NAALADL1: variants seen among roughly 807,000 people sequenced by gnomAD.
NAALADL1 encodes the protein aminopeptidase NAALADL1.
Under a neutral mutation model 82.8 loss-of-function variants are expected in NAALADL1, and 77 were observed. The ratio of observed to expected loss-of-function variants is 0.93; its 90% CI spans 0.77 to 1.12. The LOEUF is 1.12. Ranked by LOEUF, NAALADL1 falls within the 50% of genes most tolerant of loss-of-function variation. NAALADL1 has a pLI of 0.00. For synonymous variants in NAALADL1, 358 were observed against 399.2 expected (o/e 0.90, Z 1.23); for missense variants, 956 against 964.0 (o/e 0.99, Z 0.11).
chr11:65,054,376 T>C lies in NAALADL1; in HGVS notation c.888-22A>G. ...GTTACTGGGGAGGAGGAAGAGGCCC[T>C]TCAGGGTAAATGTGAGTGTGGGGCT... On this transcript the variant is annotated intron_variant, in intron 5 of 17. Coordinates refer to ENST00000358658, the MANE Select transcript of NAALADL1 (RefSeq NM_005468.3). The surrounding 1 kb of genome is among the most constrained non-coding windows in gnomAD (Gnocchi z 4.3). 1 of 1,613,388 alleles carries C rather than the reference T, an allele frequency of 6.2e-7. No individual in the cohort carries two copies.
intron 8 of NAALADL1, among the ~76,000 whole-genome samples, chr11:65,050,101 C>G (rs1395846397): frequency 6.6e-6 from 1 of 151,550 alleles, no homozygotes; most frequent in Non-Finnish European, 1.5e-5. Flanking sequence ...GTGTTGAACT[C>G]CTGACCTCAG....
At chr11:65,060,595 T>G (rs535463857), upstream of NAALADL1, among the ~76,000 whole-genome samples, 4 of 152,252 alleles carry the variant, frequency 2.6e-5, no homozygotes, top group South Asian at 8.3e-4. Flanking sequence ...CAAAAGTGTG[T>G]GACATCTGAG....
At chr11:65,045,979 C>T in intron 16 of NAALADL1, 48 bp downstream of exon 16, 1 of 1,611,578 alleles carries the variant, frequency 6.2e-7, no homozygotes, top group Non-Finnish European at 8.5e-7. Context: ...GCCTGGTATC[C>T]TGCCCTGGGT....
chr11:65,048,403 A>C lies in NAALADL1; in HGVS notation c.1199-18T>G. On this transcript the variant is annotated intron_variant, in intron 8 of 17. Coordinates refer to ENST00000358658, the MANE Select transcript of NAALADL1 (RefSeq NM_005468.3). The stretch of plus-strand genomic sequence containing the variant: ...CCAGGTGCCTGGGAATGGGGGATAG[A>C]GGGTTGGAGGACAGGGTCCTCCTGA... The C allele has an allele frequency of 6.2e-7, 1 of 1,613,866 alleles. No homozygotes were observed. The highest frequency in any genetic ancestry group is 8.5e-7 in the Non-Finnish European group (1 of 1,179,880).
Position 65,058,404 on chromosome 11 carries a change from G to A in NAALADL1, c.118C>T (p.Leu40=). 4 of 1,614,170 alleles carry A rather than the reference G, an allele frequency of 2.5e-6. No individual in the cohort carries two copies. Among genetic ancestry groups the A allele is most frequent in the Non-Finnish European group, 3.4e-6 (4 of 1,180,006 alleles). ...ACGGTCTCCAGGATCTCCAGGTCCA[G>A]GTCCTGGGGGGCCAGTGAGTTGGCT... ...KKANSLAPQD[L]DLEILETVMG... is the part of the protein sequence containing the mutation. The change falls in exon 1 of 18, where the codon CTG becomes TTG. Residue 40 remains leucine (L), a synonymous_variant. Transcript: ENST00000358658.
chr11:65,059,615 C>A (rs3759041), upstream of NAALADL1, among the ~76,000 whole-genome samples: 1 of 152,012 alleles, frequency 6.6e-6, no homozygotes, highest in Non-Finnish European at 1.5e-5. Context: ...GCCTGGACTC[C>A]GTCATCCACC....
rs778345644 is a variant in NAALADL1 at position 65,047,544 on chromosome 11, GCCAGCACCCAGAGAA to G, written c.1515_1529del (p.Leu507_Ser511del). ...AGTGAACGAAGGGTGCATAGTCGCTGCCAGCACCCAGAGAACCCAAGCTGCGGGAAGGAAGGGGGC... is the reference window on the plus strand; with the variant it reads ...AGTGAACGAAGGGTGCATAGTCGCTGCCCAAGCTGCGGGAAGGAAGGGGGC... On this transcript the variant is annotated inframe_deletion, in exon 13 of 18. Transcript: ENST00000358658. The G allele has an allele frequency of 1.9e-6, 3 of 1,571,972 alleles. No individual in the cohort carries two copies. Among genetic ancestry groups the G allele is most frequent in the Non-Finnish European group, 2.6e-6 (3 of 1,158,646 alleles).
Position 65,049,035 on chromosome 11 carries a change from C to T in NAALADL1, c.1199-650G>A, listed in dbSNP as rs1239586402. ...CTGAGATCGTGCCACTGCATCCAGC[C>T]TGAGGGACTGAGTCTCACTCTGTGG... On this transcript the variant is annotated intron_variant, in intron 8 of 17. Transcript: ENST00000358658. 2.0e-5 allele frequency among the ~76,000 whole-genome samples: 3 copies of T among 152,094 alleles called. No individual in the cohort carries two copies. In the East Asian group the frequency reaches 5.8e-4, roughly 29 times the overall value.
chr11:65,045,757 T>G (rs1196445596), intron 17 of NAALADL1, 65 bp downstream of exon 17: 1 of 1,456,810 alleles, frequency 6.9e-7, no homozygotes, highest in Admixed American at 1.7e-5. Context: ...CCACCTCGTC[T>G]CAGGTGGGGA....
chr11:65,044,846 T>C lies in NAALADL1; in HGVS notation c.*425A>G, dbSNP rs1285909630. 1.7e-6 allele frequency: 2 copies of C among 1,144,710 alleles called. No homozygotes were observed. The highest frequency in any genetic ancestry group is 1.6e-5 in the African/African-American group (1 of 64,008). The allele number at this position is 1,144,710 out of a possible 1,614,324, so 70.9% of individuals were successfully genotyped here. On this transcript the variant is annotated 3_prime_UTR_variant, in exon 18 of 18. Transcript: ENST00000358658. This position sits in a 1 kb window ranked among gnomAD's most constrained non-coding sequence, Gnocchi z 4.0. ...TGTTGGTACCAGTCACTAGATGTGATTTATTTGAGGGGCTGTTGTAGGGAG... is the reference window on the plus strand; with the variant it reads ...TGTTGGTACCAGTCACTAGATGTGACTTATTTGAGGGGCTGTTGTAGGGAG...
In NAALADL1 at chr11:65,053,208, G is replaced by A. The variant is rs1212865461; in HGVS notation, c.1198+10C>T. 3.3e-6 allele frequency: 5 copies of A among 1,531,368 alleles called. No individual in the cohort carries two copies. The highest frequency in any genetic ancestry group is 1.2e-5 in the South Asian group (1 of 82,232). 94.9% of individuals were successfully genotyped at this position (1,531,368 alleles called of 1,614,324 possible). The stretch of plus-strand genomic sequence containing the variant: ...GAAGGTCCCTGGTCCAGGGGAGGGG[G>A]CCGCCTCACCCTTCTTCAGCAGGGT... On this transcript the variant is annotated intron_variant, in intron 8 of 17. Coordinates refer to ENST00000358658, the MANE Select transcript of NAALADL1 (RefSeq NM_005468.3). The surrounding 1 kb of genome is among the most constrained non-coding windows in gnomAD (Gnocchi z 4.3).
chr11:65,045,196 G>GA lies in NAALADL1; in HGVS notation c.*74dup, dbSNP rs1946689328. ...GGTAGTGCCCTCTTCTGGCACCAAG[G>GA]AAGACCAGGACATCTCAGGAAAGCA... On this transcript the variant is annotated 3_prime_UTR_variant, in exon 18 of 18. Coordinates refer to ENST00000358658, the MANE Select transcript of NAALADL1 (RefSeq NM_005468.3). The GA allele has an allele frequency of 6.6e-7, 1 of 1,508,006 alleles. No individual in the cohort carries two copies. Among genetic ancestry groups the GA allele is most frequent in the East Asian group, 2.3e-5 (1 of 42,694 alleles). The allele number at this position is 1,508,006 out of a possible 1,614,324, so 93.4% of individuals were successfully genotyped here. A position where few individuals can be genotyped will look rare whatever the true frequency, so the allele number is the denominator to read the frequency against.
intron 4 of NAALADL1, among the ~76,000 whole-genome samples, chr11:65,056,866 C>T (rs547434924): frequency 6.6e-6 from 1 of 152,234 alleles, no homozygotes; most frequent in East Asian, 1.9e-4. Context: ...TACAGGCATG[C>T]ACCACCATGT....
chr11:65,048,959 G>A (rs1414864061), intron 8 of NAALADL1, among the ~76,000 whole-genome samples: 2 of 152,058 alleles, frequency 1.3e-5, no homozygotes, highest in African/African-American at 2.4e-5. Context: ...TCTGCCTCCC[G>A]GGTTCAGGCA....
In NAALADL1 at chr11:65,044,992, C is replaced by T. The variant is rs368010923; in HGVS notation, c.*279G>A. 4.1e-5 allele frequency: 25 copies of T among 608,816 alleles called. No homozygotes were observed. Among genetic ancestry groups the T allele is most frequent in the African/African-American group, 1.5e-4 (8 of 54,078 alleles). 37.7% of individuals were successfully genotyped at this position (608,816 alleles called of 1,614,324 possible). A position where few individuals can be genotyped will look rare whatever the true frequency, so the allele number is the denominator to read the frequency against. Reference sequence around the variant, plus strand: ...CCTGAGTTGGCATCTGAGGTTGGCACGCATCCCATCTCCACCCACCTGCCA... The same window carrying T: ...CCTGAGTTGGCATCTGAGGTTGGCATGCATCCCATCTCCACCCACCTGCCA... On this transcript the variant is annotated 3_prime_UTR_variant, in exon 18 of 18. Transcript: ENST00000358658. The surrounding 1 kb of genome is among the most constrained non-coding windows in gnomAD (Gnocchi z 4.0).
rs1332041643 is a variant in NAALADL1, at chr11:65,054,723, T to C, written c.619A>G (p.Lys207Glu). The C allele has an allele frequency of 3.1e-6, 5 of 1,613,510 alleles. No homozygotes were observed. The Admixed American group carries it at 8.3e-5, about 27-fold the overall frequency. ...ACCAGCACCCCAGCTACCCCGTGCT[T>C]GGCAGCGTTCACAGCCTGCAGTGGG... Reference protein sequence around the residue: ...GRGAKAVNAAKHGVAGVLVYT... With the variant: ...GRGAKAVNAAEHGVAGVLVYT... The change falls in exon 5 of 18, where the codon AAG becomes GAG. Residue 207 changes from lysine to glutamate, a missense_variant. Coordinates refer to ENST00000358658, the MANE Select transcript of NAALADL1 (RefSeq NM_005468.3). This position sits in a 1 kb window ranked among gnomAD's most constrained non-coding sequence, Gnocchi z 4.3.
At position 65,046,126 on chromosome 11, in the gene NAALADL1, AAGC is replaced by A. The variant is rs1364914647; in HGVS notation, c.1856-15_1856-13del. On this transcript the variant is annotated splice_polypyrimidine_tract_variant and intron_variant, in intron 15 of 17. Coordinates refer to ENST00000358658, the MANE Select transcript of NAALADL1 (RefSeq NM_005468.3). Reference sequence around the variant, plus strand: ...AGTCACCAGAGGCCCTGTGAGGAACAAGCAGTGGCTCAGTCATGGGGGTGCAGG... The same window carrying A: ...AGTCACCAGAGGCCCTGTGAGGAACAAGTGGCTCAGTCATGGGGGTGCAGG... 9.9e-6 allele frequency: 16 copies of A among 1,614,008 alleles called. No homozygotes were observed. The highest frequency in any genetic ancestry group is 1.4e-5 in the Non-Finnish European group (16 of 1,180,028).
intron 8 of NAALADL1, among the ~76,000 whole-genome samples, chr11:65,052,424 C>T (rs1946913958): frequency 6.6e-6 from 1 of 152,140 alleles, no homozygotes; most frequent in African/African-American, 2.4e-5. Flanking sequence ...AATGATTCTC[C>T]TGCCTCAGCC....
chr11:65,054,648 T>G lies in NAALADL1; in HGVS notation c.694A>C (p.Thr232Pro), dbSNP rs1946987733. The G allele has an allele frequency of 6.2e-7, 1 of 1,613,802 alleles. No homozygotes were observed. Among genetic ancestry groups the G allele is most frequent in the Admixed American group, 1.7e-5 (1 of 59,958 alleles). ...GGCAGGTACCAGGAGTTGGGAAAGG[T>G]TTCGTCGGGTGAGCTCAGCCCATCG... ...INDGLSSPDE[T>P]FPNSWYLPPS... is the part of the protein sequence containing the mutation. Residue 232 changes from threonine to proline, a missense_variant, in exon 5 of 18, where the codon ACC (threonine) becomes CCC (proline). By Grantham distance (38) the Thr-to-Pro change is conservative. Coordinates refer to ENST00000358658, the MANE Select transcript of NAALADL1 (RefSeq NM_005468.3). This position sits in a 1 kb window ranked among gnomAD's most constrained non-coding sequence, Gnocchi z 4.3.
Sources: gnomAD v4.1 joint callset for allele counts (sites outside exome capture counted in the v4.1 genomes callset) on GRCh38, gnomAD v4.1.1 for gene constraint, Gnocchi (gnomAD v3.1) non-coding constraint, MANE v1.5 for transcripts, NCBI Gene and HGNC (gene_info 2026-07-23, HGNC 2026-07-21) for gene names.